The following PCDHA1 variants were observed in gnomAD, a reference collection of about 807,000 sequenced individuals.
PCDHA1 encodes protocadherin alpha-1.
Under a neutral mutation model 61.3 loss-of-function variants are expected in PCDHA1, and 42 were observed. That is an observed-to-expected ratio of 0.69 (90% CI 0.54 to 0.89). The LOEUF is 0.89. Among genes scored for constraint, PCDHA1 ranks in the 40% least tolerant of loss-of-function variants. PCDHA1 has a pLI of 0.00. For missense variants in PCDHA1, 1,256 were observed against 1,235.3 expected, an observed-to-expected ratio of 1.02 and a Z score of -0.25; for synonymous variants, 610 against 553.8, an observed-to-expected ratio of 1.10 and a Z score of -1.43.
chr5:140,986,834 C>T (rs2097214742), intron 3 of PCDHA1, among the ~76,000 whole-genome samples: 1 of 152,104 alleles, frequency 6.6e-6, no homozygotes. Context: ...CAATGGTTCT[C>T]AAAGGGGCAG....
chr5:140,871,191 C>T lies in PCDHA1; in HGVS notation c.2394+82507C>T, dbSNP rs370303558. 1.9e-6 allele frequency: 3 copies of T among 1,613,656 alleles called. 1 individual carries two copies. In the South Asian group the frequency reaches 3.3e-5, roughly 18 times the overall value. On this transcript the variant is annotated intron_variant, in intron 1 of 3. Coordinates refer to ENST00000504120, the MANE Select transcript of PCDHA1 (RefSeq NM_018900.4). ...CAGAGGCTGCGCTGGTGGATGTCAA[C>T]GTGTACCTGATCATCGCCATCTGCG...
At chr5:140,802,558 C>T (rs1314796100) in intron 1 of PCDHA1, 7 of 1,614,078 alleles carry the variant, frequency 4.3e-6, no homozygotes, top group Non-Finnish European at 5.9e-6. Context: ...AATGCGCCGG[C>T]ATTCTCGCAG....
chr5:141,006,689 G>A (rs1249412460), intron 3 of PCDHA1, among the ~76,000 whole-genome samples: 2 of 152,072 alleles, frequency 1.3e-5, no homozygotes, highest in Non-Finnish European at 2.9e-5. Context: ...TGGGAGAAGA[G>A]GACAGAGTCA....
intron 1 of PCDHA1, among the ~76,000 whole-genome samples, chr5:140,940,086 A>C (rs373629874): frequency 6.6e-6 from 1 of 152,214 alleles, no homozygotes; most frequent in Non-Finnish European, 1.5e-5. Flanking sequence ...TTTCTGCTAA[A>C]TTGAAACTTT....
At chr5:140,871,955 G>C in intron 1 of PCDHA1, among the ~76,000 whole-genome samples, 1 of 152,196 alleles carries the variant, frequency 6.6e-6, no homozygotes, top group East Asian at 1.9e-4. Flanking sequence ...TTTCTAAAGG[G>C]AGGAGGTCTT....
chr5:140,860,895 G>A (rs185431284), intron 1 of PCDHA1: 2,100 of 152,348 alleles, frequency 0.014, 26 homozygotes, highest in Non-Finnish European at 0.02. Flanking sequence ...CCGCCAACAC[G>A]CCAGGCTAAT....
intron 2 of PCDHA1, among the ~76,000 whole-genome samples, chr5:140,981,521 C>T (rs894639773): frequency 1.3e-5 from 2 of 152,208 alleles, no homozygotes; most frequent in South Asian, 4.1e-4. Flanking sequence ...TTGCAGTGAG[C>T]TGAGATCGTG....
intron 1 of PCDHA1, among the ~76,000 whole-genome samples, chr5:140,837,516 C>CG (rs149634951): frequency 0.56 from 85,489 of 151,592 alleles, 24,966 homozygotes; most frequent in African/African-American, 0.67. Flanking sequence ...AAGCAGTTTA[C>CG]TTTTTTTGTA....
chr5:140,875,809 C>T, intron 1 of PCDHA1: 1 of 1,614,146 alleles, frequency 6.2e-7, no homozygotes, highest in Non-Finnish European at 8.5e-7. Flanking sequence ...CGTGGACAGG[C>T]CGCTGCAGGT....
Position 140,959,365 on chromosome 5 carries a change from C to A in PCDHA1, c.2395-19584C>A, listed in dbSNP as rs77362755. On this transcript the variant is annotated intron_variant, in intron 1 of 3. Transcript: ENST00000504120. ...ACTCCAGCGGGACAACTGAGTGAGA[C>A]CCTGTCTCAAAAAAAAAAGTCACAA... Among the ~76,000 whole-genome samples the A allele has an allele frequency of 1.0e-3, 158 of 151,880 alleles. 5 individuals carry two copies. In the East Asian group the frequency reaches 0.028, roughly 27 times the overall value.
intron 1 of PCDHA1, among the ~76,000 whole-genome samples, chr5:140,972,712 G>T (rs1409880262): frequency 6.9e-6 from 1 of 144,630 alleles, no homozygotes; most frequent in East Asian, 2.0e-4. Context: ...TTGCCAGGCT[G>T]GAGTGCAGTG....
intron 1 of PCDHA1, among the ~76,000 whole-genome samples, chr5:140,935,973 A>C (rs956262031): frequency 1.3e-5 from 2 of 150,786 alleles, no homozygotes; most frequent in Admixed American, 1.3e-4. Flanking sequence ...GCTCACTGCA[A>C]TCTCTGCCTC....
intron 1 of PCDHA1, among the ~76,000 whole-genome samples, chr5:140,911,205 A>G (rs1554194650): frequency 6.6e-6 from 1 of 152,162 alleles, no homozygotes; most frequent in African/African-American, 2.4e-5. Flanking sequence ...TGTTGCCACT[A>G]CTGGGGATGA....
chr5:140,862,874 T>G (rs2047608966), intron 1 of PCDHA1: 1 of 568,426 alleles, frequency 1.8e-6, no homozygotes, highest in South Asian at 1.4e-5. Context: ...CTGCCAGGTA[T>G]TAGTGCTGGA....
intron 1 of PCDHA1, chr5:140,860,419 T>G (rs1239021926): frequency 6.6e-6 from 1 of 152,112 alleles, no homozygotes; most frequent in African/African-American, 2.4e-5. Context: ...AACACCATTA[T>G]CCTGCAAATA....
At chr5:140,914,393 C>A (rs1338816793) in intron 1 of PCDHA1, among the ~76,000 whole-genome samples, 1 of 152,080 alleles carries the variant, frequency 6.6e-6, no homozygotes, top group Non-Finnish European at 1.5e-5. Context: ...AGTGTAGTTA[C>A]CCCTGCTCCT....
chr5:140,846,000 G>GA (rs1346490644), intron 1 of PCDHA1, among the ~76,000 whole-genome samples: 2 of 149,558 alleles, frequency 1.3e-5, no homozygotes, highest in Admixed American at 6.7e-5. Context: ...GTGGTGGAAT[G>GA]AAAAAAATCT....
intron 1 of PCDHA1, chr5:140,806,781 G>T (rs60724756): frequency 0.043 from 8,430 of 196,850 alleles, 735 homozygotes; most frequent in African/African-American, 0.19. Context: ...TAAAACCTGT[G>T]TTGAAAAAAT....
intron 1 of PCDHA1, chr5:140,822,433 GAACT>G (rs2150116346): frequency 1.9e-5 from 31 of 1,613,932 alleles, no homozygotes; most frequent in South Asian, 5.5e-5. Flanking sequence ...AGGAAAACCC[GAACT>G]AACAGGTACA....
Sources: gnomAD v4.1 joint callset for allele counts (sites outside exome capture counted in the v4.1 genomes callset) on GRCh38, gnomAD v4.1.1 for gene constraint, MANE v1.5 for transcripts, NCBI Gene and HGNC (gene_info 2026-07-23, HGNC 2026-07-21) for gene names.